KAZN: variants seen among roughly 807,000 people sequenced by gnomAD.
The protein encoded by KAZN is kazrin, periplakin interacting protein.
In KAZN, 40 loss-of-function variants were observed where a neutral mutation model predicts 87.4. That is an observed-to-expected ratio of 0.46 (90% CI 0.36 to 0.60). The LOEUF (loss-of-function observed/expected upper bound fraction) is 0.60. Ranked by LOEUF, KAZN falls within the 20% of genes least tolerant of loss-of-function variation. The pLI is 0.00. For missense variants in KAZN, 898 were observed against 1,073.9 expected (o/e 0.84, Z 2.29); for synonymous variants, 466 against 458.3 (o/e 1.02, Z -0.22).
chr1:14,359,835 G>A (rs1282089350), intron 2 of KAZN, among the ~76,000 whole-genome samples: 2 of 152,308 alleles, frequency 1.3e-5, no homozygotes, highest in South Asian at 2.1e-4. Context: ...CCCTTTGTGG[G>A]TAACCTGATC....
intron 1 of KAZN, among the ~76,000 whole-genome samples, chr1:14,648,070 A>T (rs1680943150): frequency 1.3e-5 from 2 of 152,218 alleles, no homozygotes; most frequent in Admixed American, 1.3e-4. Flanking sequence ...GAACTTTTTC[A>T]GTTTAACTCT....
chr1:14,398,393 A>G (rs1164842725), intron 2 of KAZN, among the ~76,000 whole-genome samples: 7 of 152,386 alleles, frequency 4.6e-5, no homozygotes, highest in Middle Eastern at 6.8e-3. Context: ...ACAAATGAAT[A>G]TAACAACAGT....
At chr1:14,858,660 G>GA (rs775468224) in intron 1 of KAZN, among the ~76,000 whole-genome samples, 5 of 152,128 alleles carry the variant, frequency 3.3e-5, no homozygotes, top group Non-Finnish European at 7.4e-5. Context: ...AGATCTCTGT[G>GA]AAAACAACTA....
chr1:14,515,788 T>C lies in KAZN; in HGVS notation c.250-83195T>C, dbSNP rs936731360. ...CCACCACCAGCCGTTTTATAACCTATCAGTCTGCTTGGTTTTCTTCATGGC... is the reference window on the plus strand; with the variant it reads ...CCACCACCAGCCGTTTTATAACCTACCAGTCTGCTTGGTTTTCTTCATGGC... On this transcript the variant is annotated intron_variant, in intron 2 of 16. Transcript: ENST00000636203. Among the ~76,000 whole-genome samples the C allele has an allele frequency of 5.3e-5, 8 of 152,242 alleles. No individual in the cohort carries two copies. In the East Asian group the frequency reaches 7.7e-4, roughly 15 times the overall value.
rs145216719 is a variant in KAZN, at chr1:14,626,238, A to G, written c.226+27015A>G. 4.5e-3 allele frequency among the ~76,000 whole-genome samples: 680 copies of G among 152,314 alleles called. 8 individuals are homozygous for G. Among genetic ancestry groups the G allele is most frequent in the African/African-American group, 0.015 (616 of 41,558 alleles). On this transcript the variant is annotated intron_variant, in intron 1 of 14. Transcript: ENST00000376030. ...ATTAATGACTTCTGGCTGTCAATCA[A>G]TGACACTGTTATTGAAATTCATGAG... is the stretch of plus-strand genomic sequence containing the variant.
Position 14,045,406 on chromosome 1 carries a change from C to G in KAZN, c.92-135029C>G, listed in dbSNP as rs138253345. ...GACTCTGAACTCAATTGACTTTGCT[C>G]AAATCCAAGCTCTGTCATTTGCTAA... On this transcript the variant is annotated intron_variant, in intron 1 of 16. Transcript: ENST00000636203. 1.9e-3 allele frequency among the ~76,000 whole-genome samples: 289 copies of G among 152,290 alleles called. 4 individuals are homozygous for G. The highest frequency in any genetic ancestry group is 2.4e-4 in the Non-Finnish European group (16 of 68,028).
At chr1:14,530,362 C>T (rs1042898921) in intron 2 of KAZN, among the ~76,000 whole-genome samples, 2 of 152,232 alleles carry the variant, frequency 1.3e-5, no homozygotes, top group Non-Finnish European at 2.9e-5. Flanking sequence ...CAGTGGACTG[C>T]AGCCTTCCTA....
At chr1:14,730,486 C>T (rs1057439373) in intron 1 of KAZN, among the ~76,000 whole-genome samples, 2 of 152,050 alleles carry the variant, frequency 1.3e-5, no homozygotes, top group African/African-American at 4.8e-5. Flanking sequence ...TCATAGTAAC[C>T]CTAGTACATG....
intron 1 of KAZN, among the ~76,000 whole-genome samples, chr1:13,974,561 G>A (rs1010757226): frequency 2.6e-5 from 4 of 152,168 alleles, no homozygotes; most frequent in African/African-American, 9.7e-5. Context: ...TCCCTTATAA[G>A]GAACAATTTG....
intron 8 of KAZN, among the ~76,000 whole-genome samples, chr1:15,076,641 C>G (rs1344137046): frequency 6.6e-6 from 1 of 152,196 alleles, no homozygotes; most frequent in East Asian, 1.9e-4. Flanking sequence ...CCTCTGCACA[C>G]AATTGATTGG....
At chr1:14,244,134 T>C (rs1281849113) in intron 2 of KAZN, among the ~76,000 whole-genome samples, 2 of 152,132 alleles carry the variant, frequency 1.3e-5, no homozygotes, top group African/African-American at 4.8e-5. Context: ...AACAAAAAAC[T>C]CTTGAGATAT....
chr1:14,193,739 A>G, intron 2 of KAZN, among the ~76,000 whole-genome samples: 1 of 152,094 alleles, frequency 6.6e-6, no homozygotes, highest in Middle Eastern at 3.4e-3. Flanking sequence ...TAATGGAATA[A>G]AAATGGTTGC....
chr1:14,022,819 C>G (rs577553274), intron 1 of KAZN, among the ~76,000 whole-genome samples: 1 of 152,202 alleles, frequency 6.6e-6, no homozygotes, highest in Admixed American at 6.5e-5. Flanking sequence ...TGAAAGAGAG[C>G]TAGGTGGGGT....
At chr1:14,472,325 A>G (rs1472227367) in intron 2 of KAZN, among the ~76,000 whole-genome samples, 4 of 152,214 alleles carry the variant, frequency 2.6e-5, no homozygotes, top group Non-Finnish European at 5.9e-5. Flanking sequence ...CAGTGCTTCA[A>G]ATGACAAACA....
At chr1:14,662,484 G>A (rs956403911) in intron 1 of KAZN, among the ~76,000 whole-genome samples, 16 of 152,152 alleles carry the variant, frequency 1.1e-4, no homozygotes, top group African/African-American at 2.4e-5. Flanking sequence ...GTGGGAGGAC[G>A]AAGTTCAGCT....
At chr1:14,008,680 G>A (rs1640144226) in intron 1 of KAZN, among the ~76,000 whole-genome samples, 1 of 152,010 alleles carries the variant, frequency 6.6e-6, no homozygotes, top group South Asian at 2.1e-4. Flanking sequence ...TCATTTTTTT[G>A]GAGGATGAGG....
intron 1 of KAZN, among the ~76,000 whole-genome samples, chr1:14,049,868 C>T (rs570749017): frequency 1.3e-5 from 2 of 152,326 alleles, no homozygotes; most frequent in African/African-American, 4.8e-5. Context: ...GAATGAGTGT[C>T]CAGTCACAGC....
At chr1:14,719,356 C>G (rs948598021) in intron 1 of KAZN, among the ~76,000 whole-genome samples, 1 of 152,192 alleles carries the variant, frequency 6.6e-6, no homozygotes, top group Non-Finnish European at 1.5e-5. Context: ...GGCAAAAGCC[C>G]TTGCCCTCAT....
chr1:14,572,015 A>G (rs1674900095), intron 2 of KAZN, among the ~76,000 whole-genome samples: 1 of 152,138 alleles, frequency 6.6e-6, no homozygotes, highest in African/African-American at 2.4e-5. Context: ...GGGTAACAGG[A>G]TCCAGCCAGT....
Sources: gnomAD v4.1 joint callset for allele counts (sites outside exome capture counted in the v4.1 genomes callset) on GRCh38, gnomAD v4.1.1 for gene constraint, MANE v1.5 for transcripts, NCBI Gene and HGNC (gene_info 2026-07-23, HGNC 2026-07-21) for gene names.